NFIB: variants seen among roughly 807,000 people sequenced by gnomAD.
NFIB encodes nuclear factor 1 B-type.
In NFIB, 11 loss-of-function variants were observed where a neutral mutation model predicts 61.5. The ratio of observed to expected loss-of-function variants is 0.18; its 90% CI spans 0.11 to 0.30. NFIB has a LOEUF of 0.30. Ranked by LOEUF, NFIB falls within the 10% of genes least tolerant of loss-of-function variation. The pLI, the probability that NFIB is intolerant of heterozygous loss-of-function variation, is 1.00. For missense variants in NFIB, 471 were observed against 608.9 expected, an observed-to-expected ratio of 0.77 and a Z score of 2.38; for synonymous variants, 260 against 216.5, an observed-to-expected ratio of 1.20 and a Z score of -1.76.
the NFIB span, among the ~76,000 whole-genome samples, chr9:14,443,415 T>C: frequency 6.6e-5 from 10 of 152,340 alleles, no homozygotes; most frequent in Non-Finnish European, 8.8e-5. Context: ...TCAGGTTCAC[T>C]GTCCAAACTG....
chr9:14,342,258 C>T (rs533310276), intron 1 of NFIB, among the ~76,000 whole-genome samples: 39 of 152,284 alleles, frequency 2.6e-4, no homozygotes, highest in African/African-American at 8.7e-4. Flanking sequence ...TTATTTCAGG[C>T]AGCATTTGGC....
intron 2 of NFIB, among the ~76,000 whole-genome samples, chr9:14,295,085 A>G (rs57203900): frequency 0.079 from 12,065 of 152,274 alleles, 1,578 homozygotes; most frequent in African/African-American, 0.27. Context: ...AGTGAAGTCA[A>G]TTTCAGTAAT....
At chr9:14,144,999 T>A (rs7028001) in intron 6 of NFIB, among the ~76,000 whole-genome samples, 37,306 of 151,960 alleles carry the variant, frequency 0.25, 5,576 homozygotes, top group African/African-American at 0.4. Flanking sequence ...GGGAATTGAC[T>A]AAAGGATCTG....
intron 2 of NFIB, among the ~76,000 whole-genome samples, chr9:14,218,069 C>T (rs750512739): frequency 6.6e-6 from 1 of 152,056 alleles, no homozygotes; most frequent in Non-Finnish European, 1.5e-5. Context: ...CTGTAGATTT[C>T]ATCGAACTTT....
intron 3 of NFIB, among the ~76,000 whole-genome samples, chr9:14,166,713 A>G (rs1290481407): frequency 1.3e-5 from 2 of 151,908 alleles, no homozygotes; most frequent in East Asian, 3.9e-4. Flanking sequence ...CTCATCATCA[A>G]CCCTTTTCTC....
chr9:14,231,133 AAAATATATATATATATAT>A (rs1370992518), intron 2 of NFIB, among the ~76,000 whole-genome samples: 8 of 67,212 alleles, frequency 1.2e-4, no homozygotes, highest in African/African-American at 4.8e-4. Flanking sequence ...AAAAAAAAAA[AAAATATATATATATATAT>A]ATATATATAT....
rs570297427 is a variant in NFIB at position 14,307,990 on chromosome 9, T to C, written c.31-470A>G. Reference sequence around the variant, plus strand: ...AGAGCTGTTCAGAAGGCAGGAGCGATGCCACAGTTCATTTCTCTTCTCTGT... The same window carrying C: ...AGAGCTGTTCAGAAGGCAGGAGCGACGCCACAGTTCATTTCTCTTCTCTGT... On this transcript the variant is annotated intron_variant, in intron 1 of 10. Transcript: ENST00000380953. The surrounding 1 kb of genome is among the most constrained non-coding windows in gnomAD (Gnocchi z 5.3). 1 of 153,734 alleles carries C rather than the reference T, an allele frequency of 6.5e-6. No individual in the cohort carries two copies. Among genetic ancestry groups the C allele is most frequent in the South Asian group, 2.0e-4 (1 of 4,920 alleles). 9.5% of individuals were successfully genotyped at this position (153,734 alleles called of 1,614,324 possible).
intron 1 of NFIB, among the ~76,000 whole-genome samples, chr9:14,349,993 C>G (rs1033632015): frequency 1.3e-5 from 2 of 152,170 alleles, no homozygotes; most frequent in African/African-American, 4.8e-5. Context: ...TGCCCATGAT[C>G]TCTCCCTGCC....
the NFIB span, among the ~76,000 whole-genome samples, chr9:14,466,736 C>A: frequency 6.6e-6 from 1 of 152,266 alleles, no homozygotes; most frequent in South Asian, 2.1e-4. Flanking sequence ...TTTATGTCTG[C>A]CTTTGTTATT....
chr9:14,527,192 T>C, the NFIB span, among the ~76,000 whole-genome samples: 1 of 152,050 alleles, frequency 6.6e-6, no homozygotes, highest in African/African-American at 2.4e-5. Context: ...AAGGAAGACA[T>C]GAAAGAAAAA....
intron 10 of NFIB, among the ~76,000 whole-genome samples, chr9:14,105,819 C>T (rs1221263575): frequency 6.6e-6 from 1 of 152,014 alleles, no homozygotes; most frequent in East Asian, 1.9e-4. Flanking sequence ...CATATTCTTG[C>T]CTTTAGCATA....
chr9:14,459,845 GA>G, the NFIB span, among the ~76,000 whole-genome samples: 1 of 150,848 alleles, frequency 6.6e-6, no homozygotes, highest in South Asian at 2.1e-4. Flanking sequence ...TTAGAATGGC[GA>G]TCATTAAAAA....
chr9:14,500,565 T>C, the NFIB span, among the ~76,000 whole-genome samples: 1 of 152,208 alleles, frequency 6.6e-6, no homozygotes, highest in Non-Finnish European at 1.5e-5. Flanking sequence ...AGAGTACTTG[T>C]CTCAGTTTAT....
chr9:14,466,612 T>C, the NFIB span, among the ~76,000 whole-genome samples: 2 of 152,280 alleles, frequency 1.3e-5, no homozygotes, highest in Admixed American at 1.3e-4. Context: ...CTGCTCTCCA[T>C]AGCGGTGGAA....
At chr9:14,158,733 G>T (rs1437393808) in intron 3 of NFIB, among the ~76,000 whole-genome samples, 1 of 152,208 alleles carries the variant, frequency 6.6e-6, no homozygotes, top group Non-Finnish European at 1.5e-5. Context: ...CCTAGAACTT[G>T]TTTGCTGAAG....
rs1587111397 is a variant in NFIB at position 14,155,835 on chromosome 9, T to C, written c.675A>G (p.Arg225=). 1.9e-6 allele frequency: 3 copies of C among 1,577,288 alleles called. No homozygotes were observed. The highest frequency in any genetic ancestry group is 8.6e-7 in the Non-Finnish European group (1 of 1,158,000). Residue 225 remains arginine (R), a synonymous_variant, in exon 4 of 11, where the codon AGA becomes AGG. Coordinates refer to ENST00000380953, the MANE Select transcript of NFIB (RefSeq NM_001190737.2). ...SGVFNVSELV[R]VSRTPITQGT... ...AAACAATTTACTTACTTCTGGATAC[T>C]CTTACAAGTTCTGATACATTGAAGA...
intron 1 of NFIB, among the ~76,000 whole-genome samples, chr9:14,346,535 C>T (rs944468786): frequency 3.9e-5 from 6 of 152,102 alleles, no homozygotes; most frequent in Admixed American, 6.5e-5. Flanking sequence ...ACACCGTCGG[C>T]GACGGATTTC....
intron 1 of NFIB, among the ~76,000 whole-genome samples, chr9:14,375,190 C>A (rs2061403642): frequency 6.6e-6 from 1 of 152,204 alleles, no homozygotes; most frequent in Non-Finnish European, 1.5e-5. Flanking sequence ...ATAGTGGTTC[C>A]TCAGAGTCAT....
chr9:14,236,624 T>C (rs1336804396), intron 2 of NFIB, among the ~76,000 whole-genome samples: 1 of 152,318 alleles, frequency 6.6e-6, no homozygotes, highest in East Asian at 1.9e-4. Flanking sequence ...AGTCCTCACG[T>C]CATTGCTACA....
Sources: gnomAD v4.1 joint callset for allele counts (sites outside exome capture counted in the v4.1 genomes callset) on GRCh38, gnomAD v4.1.1 for gene constraint, Gnocchi (gnomAD v3.1) non-coding constraint, MANE v1.5 for transcripts, NCBI Gene and HGNC (gene_info 2026-07-23, HGNC 2026-07-21) for gene names.